SORBS2: variants seen among roughly 807,000 people sequenced by gnomAD.
The protein encoded by SORBS2 is sorbin and SH3 domain-containing protein 2.
In SORBS2, 46 loss-of-function variants were observed where a neutral mutation model predicts 97.7. That is an observed-to-expected ratio of 0.47 (90% CI 0.37 to 0.60). SORBS2 has a LOEUF of 0.60. Ranked by LOEUF, SORBS2 falls within the 20% of genes least tolerant of loss-of-function variation. The pLI, the probability that SORBS2 is intolerant of heterozygous loss-of-function variation, is 0.00. For missense variants in SORBS2, 1,316 were observed against 1,282.3 expected (o/e 1.03, Z -0.40); for synonymous variants, 476 against 473.4 (o/e 1.01, Z -0.07).
intron 4 of SORBS2, among the ~76,000 whole-genome samples, chr4:185,632,236 T>TATC (rs2153434829): frequency 2.6e-5 from 4 of 152,374 alleles, no homozygotes; most frequent in African/African-American, 9.6e-5. Flanking sequence ...AATTTAATTC[T>TATC]ATCTTACTAA....
At chr4:185,681,506 A>C (rs1315048839) in intron 2 of SORBS2, among the ~76,000 whole-genome samples, 1 of 152,124 alleles carries the variant, frequency 6.6e-6, no homozygotes, top group Non-Finnish European at 1.5e-5. Flanking sequence ...TTGTGAAAAA[A>C]ACACAAAGCT....
chr4:185,699,927 G>A (rs983585691), intron 2 of SORBS2, among the ~76,000 whole-genome samples: 12 of 152,128 alleles, frequency 7.9e-5, no homozygotes, highest in Admixed American at 1.3e-4. Context: ...CAAGTGTTAA[G>A]CAGAATCATA....
intron 1 of SORBS2, among the ~76,000 whole-genome samples, chr4:185,817,124 C>G (rs960753484): frequency 1.4e-4 from 21 of 152,046 alleles, no homozygotes; most frequent in African/African-American, 5.1e-4. Flanking sequence ...ATGATTGCAG[C>G]AGCTTACAGG....
chr4:185,589,013 G>A (rs2095858852), intron 14 of SORBS2: 1 of 152,276 alleles, frequency 6.6e-6, no homozygotes, highest in South Asian at 2.1e-4. Flanking sequence ...TCTAGAGTGA[G>A]CCCTCCTCTC....
chr4:185,656,916 TC>T lies in SORBS2; in HGVS notation c.-279del, dbSNP rs1380801971. Reference sequence around the variant, plus strand: ...ATTTTTCTTCAGACAGCTTTTCCTTTCCATGACATTAACTCTCTTCACTCCA... The same window carrying T: ...ATTTTTCTTCAGACAGCTTTTCCTTTCATGACATTAACTCTCTTCACTCCA... On this transcript the variant is annotated 5_prime_UTR_variant, in exon 1 of 15. Transcript: ENST00000418609. 407 of 1,228,370 alleles carry T rather than the reference TC, an allele frequency of 3.3e-4. 1 individual carries two copies. The highest frequency in any genetic ancestry group is 8.7e-5 in the Admixed American group (2 of 22,912). 76.1% of individuals were successfully genotyped at this position (1,228,370 alleles called of 1,614,324 possible).
chr4:185,955,859 C>A (rs993975589), intron 1 of SORBS2, among the ~76,000 whole-genome samples: 1 of 151,900 alleles, frequency 6.6e-6, no homozygotes, highest in Non-Finnish European at 1.5e-5. Flanking sequence ...TCCACCCCCA[C>A]CCCAGGTCTT....
intron 2 of SORBS2, among the ~76,000 whole-genome samples, chr4:185,745,766 C>A (rs994637257): frequency 6.6e-6 from 1 of 152,140 alleles, no homozygotes; most frequent in Non-Finnish European, 1.5e-5. Flanking sequence ...CTATCTACCC[C>A]CTCCCCCGAT....
chr4:185,836,833 A>ACC (rs1422843931), intron 1 of SORBS2, among the ~76,000 whole-genome samples: 2 of 152,226 alleles, frequency 1.3e-5, no homozygotes, highest in African/African-American at 4.8e-5. Flanking sequence ...TTATGCGAGA[A>ACC]CTTGGAGTGT....
rs905937534 is a variant in SORBS2, at chr4:185,910,960, T to TA, written c.-338+45235dup. ...ATATACAATGCGGTGTTTGATTTTT[T>TA]AAAAAAAAAAAACTTCCCTTGGAAA... On this transcript the variant is annotated intron_variant, in intron 1 of 20. Transcript: ENST00000284776. Among the ~76,000 whole-genome samples, 48 of 150,490 alleles carry TA rather than the reference T, an allele frequency of 3.2e-4. 2 individuals carry two copies. The highest frequency in any genetic ancestry group is 8.4e-4 in the South Asian group (4 of 4,764).
chr4:185,878,638 A>T, intron 1 of SORBS2, among the ~76,000 whole-genome samples: 1 of 151,786 alleles, frequency 6.6e-6, no homozygotes. Context: ...TCTGTCCTGG[A>T]CCCCGGGATT....
At chr4:185,677,045 T>C (rs1280523571) in intron 4 of SORBS2, 15 of 1,551,364 alleles carry the variant, frequency 9.7e-6, no homozygotes, top group Non-Finnish European at 1.3e-5. Flanking sequence ...CAGATTTTTG[T>C]CTCTCTTGCT....
At chr4:185,926,008 G>T (rs1030747043) in intron 1 of SORBS2, among the ~76,000 whole-genome samples, 1 of 152,164 alleles carries the variant, frequency 6.6e-6, no homozygotes, top group Non-Finnish European at 1.5e-5. Context: ...CAGACACAGG[G>T]AACAGCACAC....
chr4:185,698,719 A>T (rs1464139670), intron 2 of SORBS2, among the ~76,000 whole-genome samples: 1 of 152,186 alleles, frequency 6.6e-6, no homozygotes, highest in African/African-American at 2.4e-5. Context: ...TTCTTCCTCT[A>T]AGACTAATAG....
chr4:185,611,185 C>T (rs1045574590), intron 12 of SORBS2, among the ~76,000 whole-genome samples: 3 of 152,090 alleles, frequency 2.0e-5, no homozygotes, highest in Admixed American at 2.0e-4. Context: ...TAATAAACAT[C>T]TTGACTTATA....
chr4:185,806,615 G>A (rs1036111704), intron 1 of SORBS2, among the ~76,000 whole-genome samples: 34 of 151,238 alleles, frequency 2.2e-4, no homozygotes, highest in African/African-American at 7.0e-4. Context: ...CCGCCACTAC[G>A]CCCGGCTAAT....
intron 14 of SORBS2, chr4:185,589,064 G>C (rs2095859886): frequency 6.6e-6 from 1 of 152,406 alleles, no homozygotes; most frequent in African/African-American, 2.4e-5. Flanking sequence ...CCTGCAGCCT[G>C]TGTTTCCTTT....
chr4:185,872,516 G>A lies in SORBS2; in HGVS notation c.-338+83680C>T, dbSNP rs375601168. 3.9e-5 allele frequency among the ~76,000 whole-genome samples: 6 copies of A among 152,264 alleles called. No homozygotes were observed. In the South Asian group the frequency reaches 6.2e-4, roughly 16 times the overall value. On this transcript the variant is annotated intron_variant, in intron 1 of 20. Coordinates refer to the SORBS2 transcript ENST00000284776. ...GTAAATGACCAGTGATGATGACAAC[G>A]AAGAATGATGATATTTATCAATAAC...
rs184493570 is a variant in SORBS2, at chr4:185,863,750, A to G, written c.-337-88384T>C. Among the ~76,000 whole-genome samples the G allele has an allele frequency of 2.4e-3, 368 of 152,320 alleles. 1 individual carries two copies. The highest frequency in any genetic ancestry group is 3.7e-3 in the Non-Finnish European group (255 of 68,032). On this transcript the variant is annotated intron_variant, in intron 1 of 20. Coordinates refer to the SORBS2 transcript ENST00000284776. The stretch of plus-strand genomic sequence containing the variant: ...AGATGTGTGTCACCTCCAAAGTGTG[A>G]AAAATCAGCTTGTCCATTTTTACAT...
upstream of SORBS2, among the ~76,000 whole-genome samples, chr4:185,657,962 G>C (rs2097436215): frequency 6.6e-6 from 1 of 152,280 alleles, no homozygotes; most frequent in African/African-American, 2.4e-5. Flanking sequence ...TAGATAAGGG[G>C]CAGGAGCTGA....
Sources: allele counts gnomAD v4.1 joint callset (sites outside exome capture counted in the v4.1 genomes callset), GRCh38; gene constraint gnomAD v4.1.1; transcripts MANE v1.5; gene names NCBI Gene and HGNC (gene_info 2026-07-23, HGNC 2026-07-21).